TSPAN11: variants seen among roughly 807,000 people sequenced by gnomAD.
TSPAN11 encodes tetraspanin 11, also known as tetraspanin-11.
A neutral mutation model predicts 32.9 loss-of-function variants in TSPAN11; 29 were observed. The ratio of observed to expected loss-of-function variants is 0.88; its 90% CI spans 0.66 to 1.20. The LOEUF is 1.20. Among genes scored for constraint, TSPAN11 ranks in the 50% most tolerant of loss-of-function variants. TSPAN11 has a pLI of 0.00. For missense variants in TSPAN11, 283 were observed against 329.1 expected (o/e 0.86, Z 1.08); for synonymous variants, 140 against 141.3 (o/e 0.99, Z 0.07).
chr12:30,978,645 G>T lies in TSPAN11; in HGVS notation c.351+10G>T, dbSNP rs780906552. 3.6e-5 allele frequency: 58 copies of T among 1,613,722 alleles called. No individual in the cohort carries two copies. In the South Asian group the frequency reaches 6.4e-4, roughly 18 times the overall value. The stretch of plus-strand genomic sequence containing the variant: ...TGTGTATTACCAGAGGGTAAGTGAC[G>T]TTTCCTCCTCCTGCATCCTCTGTCA... On this transcript the variant is annotated intron_variant, in intron 4 of 7. Transcript: ENST00000546076.
downstream of TSPAN11, among the ~76,000 whole-genome samples, chr12:31,001,118 G>A (rs1939474025): frequency 6.6e-6 from 1 of 152,172 alleles, no homozygotes; most frequent in South Asian, 2.1e-4. Context: ...CCAGATCTGA[G>A]CCCATCACAT....
intron 7 of TSPAN11, among the ~76,000 whole-genome samples, chr12:30,984,180 C>G (rs1176363443): frequency 1.3e-5 from 2 of 152,216 alleles, no homozygotes; most frequent in Non-Finnish European, 2.9e-5. Flanking sequence ...GTCTTGCTGT[C>G]CTGCACAGCC....
At position 30,983,121 on chromosome 12, in the gene TSPAN11, G is replaced by A. The variant is rs551099949; in HGVS notation, c.673G>A (p.Ala225Thr). ...GGCCGACCACCTGCTGCTTATGGGG[G>A]CAGTGGGCATCGGGGTGGCCTGCCT... The part of the protein sequence containing the change: ...FLADHLLLMG[A>T]VGIGVACLQI... The change falls in exon 7 of 8, where the codon GCA becomes ACA. Residue 225 changes from alanine to threonine, a missense_variant. Transcript: ENST00000546076. 5 of 1,613,230 alleles carry A rather than the reference G, an allele frequency of 3.1e-6. No individual in the cohort carries two copies. The Admixed American group carries it at 8.3e-5, about 27-fold the overall frequency.
Position 30,939,380 on chromosome 12 carries a change from G to C in TSPAN11, c.-12+12584G>C, listed in dbSNP as rs951135872. On this transcript the variant is annotated intron_variant, in intron 1 of 7. Transcript: ENST00000546076. ...GTTTTTTACTACTGACCAGAGTCTGGGAGAGGTGCCAGTGGCCAGAGGTGG... is the reference window on the plus strand; with the variant it reads ...GTTTTTTACTACTGACCAGAGTCTGCGAGAGGTGCCAGTGGCCAGAGGTGG... Among the ~76,000 whole-genome samples, 7 of 152,280 alleles carry C rather than the reference G, an allele frequency of 4.6e-5. No individual in the cohort carries two copies. The East Asian group carries it at 1.3e-3, about 29-fold the overall frequency.
chr12:30,956,472 T>G (rs1334622012), intron 2 of TSPAN11, among the ~76,000 whole-genome samples: 1 of 152,194 alleles, frequency 6.6e-6, no homozygotes, highest in African/African-American at 2.4e-5. Context: ...CAGAGCCATC[T>G]TCACCTCCAC....
chr12:30,930,739 GA>G (rs2140267062), intron 1 of TSPAN11, among the ~76,000 whole-genome samples: 1 of 152,314 alleles, frequency 6.6e-6, no homozygotes, highest in East Asian at 1.9e-4. Flanking sequence ...ACTACTGTGG[GA>G]CCTTGTCTAA....
At chr12:30,988,607 A>C (rs1196109934) in intron 7 of TSPAN11, 1 of 152,260 alleles carries the variant, frequency 6.6e-6, no homozygotes, top group African/African-American at 2.4e-5. Flanking sequence ...AAACAAAAAA[A>C]AAACCACACA....
chr12:30,965,358 C>A (rs1236228595), intron 3 of TSPAN11, among the ~76,000 whole-genome samples: 1 of 152,186 alleles, frequency 6.6e-6, no homozygotes, highest in Non-Finnish European at 1.5e-5. Context: ...GCTGCCAAGC[C>A]ACGTGCTCTC....
chr12:30,953,620 AGT>A (rs1038998207), intron 1 of TSPAN11, among the ~76,000 whole-genome samples: 1 of 152,182 alleles, frequency 6.6e-6, no homozygotes, highest in Non-Finnish European at 1.5e-5. Context: ...AGTGATGCTG[AGT>A]GTGTGTGTGC....
At chr12:30,959,023 A>G (rs1938556441) in intron 2 of TSPAN11, among the ~76,000 whole-genome samples, 1 of 152,190 alleles carries the variant, frequency 6.6e-6, no homozygotes. Flanking sequence ...TTTAAAAATC[A>G]AAACAGCCAT....
intron 2 of TSPAN11, among the ~76,000 whole-genome samples, chr12:30,959,416 A>G (rs1938564528): frequency 6.6e-6 from 1 of 151,990 alleles, no homozygotes; most frequent in South Asian, 2.1e-4. Flanking sequence ...AAAAAGAGAG[A>G]GCCTCCCTGA....
At chr12:30,988,717 A>C (rs1291177660) in intron 7 of TSPAN11, 1 of 152,166 alleles carries the variant, frequency 6.6e-6, no homozygotes, top group Non-Finnish European at 1.5e-5. Context: ...TGGGTCAAAC[A>C]TACATTCGGG....
At chr12:31,007,844 C>T in the TSPAN11 span, among the ~76,000 whole-genome samples, 5 of 152,216 alleles carry the variant, frequency 3.3e-5, no homozygotes, top group Non-Finnish European at 7.3e-5. Flanking sequence ...AGTGCCCCTG[C>T]TTTGACTTTC....
intron 1 of TSPAN11, among the ~76,000 whole-genome samples, chr12:30,947,396 C>T (rs1938290012): frequency 6.6e-6 from 1 of 152,130 alleles, no homozygotes; most frequent in Non-Finnish European, 1.5e-5. Flanking sequence ...TTCCTTACAA[C>T]ACAAAAGTGC....
At chr12:31,003,288 A>T in the TSPAN11 span, among the ~76,000 whole-genome samples, 3 of 152,342 alleles carry the variant, frequency 2.0e-5, no homozygotes, top group Admixed American at 6.5e-5. Context: ...ACCGTTCTGC[A>T]GGACAGGCAA....
At chr12:30,983,260 C>A in intron 7 of TSPAN11, 110 bp downstream of exon 7, 1 of 1,025,310 alleles carries the variant, frequency 9.8e-7, no homozygotes, top group Non-Finnish European at 1.4e-6. Context: ...CTTTGCACAC[C>A]CGCACCCTAC....
chr12:30,949,505 C>A (rs909685659), intron 1 of TSPAN11, among the ~76,000 whole-genome samples: 2 of 152,054 alleles, frequency 1.3e-5, no homozygotes, highest in Non-Finnish European at 2.9e-5. Flanking sequence ...CATGATAAAC[C>A]CATCAGATCT....
chr12:30,968,313 A>G (rs1257452290), intron 3 of TSPAN11, among the ~76,000 whole-genome samples: 3 of 152,228 alleles, frequency 2.0e-5, no homozygotes, highest in Admixed American at 6.5e-5. Flanking sequence ...GAGGGGGACC[A>G]TCCAGCTTCC....
intron 5 of TSPAN11, among the ~76,000 whole-genome samples, chr12:30,981,066 G>A (rs1280519869): frequency 6.6e-6 from 1 of 152,214 alleles, no homozygotes; most frequent in Non-Finnish European, 1.5e-5. Flanking sequence ...AAGAGGGTGG[G>A]AGTGGCAGGT....
Sources: allele counts gnomAD v4.1 joint callset (sites outside exome capture counted in the v4.1 genomes callset), GRCh38; gene constraint gnomAD v4.1.1; transcripts MANE v1.5; gene names NCBI Gene and HGNC (gene_info 2026-07-23, HGNC 2026-07-21).